The following NOTCH2 variants were observed in gnomAD, a reference collection of about 807,000 sequenced individuals.
The protein encoded by NOTCH2 is neurogenic locus notch homolog protein 2.
Under a neutral mutation model 235.8 loss-of-function variants are expected in NOTCH2, and 29 were observed. The observed-to-expected ratio is 0.12, with a 90% CI of 0.09 to 0.17. The LOEUF (loss-of-function observed/expected upper bound fraction) is 0.17, where lower values mean the gene tolerates loss of function less well. Among genes scored for constraint, NOTCH2 ranks in the 10% least tolerant of loss-of-function variants. NOTCH2 has a pLI of 1.00. For missense variants in NOTCH2, 2,285 were observed against 3,150.2 expected, an observed-to-expected ratio of 0.73 and a Z score of 6.57; for synonymous variants, 1,086 against 1,141.5, an observed-to-expected ratio of 0.95 and a Z score of 0.98.
rs1468887716 is a variant in NOTCH2, at chr1:119,921,696, T to C, written c.5310+17A>G. On this transcript the variant is annotated intron_variant, in intron 29 of 33. Coordinates refer to ENST00000256646, the MANE Select transcript of NOTCH2 (RefSeq NM_024408.4). ...AGATAATGGCTGACAATGGTGGTTC[T>C]ACCATGGCCACCTCACCTTTACTTT... 22 of 1,607,812 alleles carry C rather than the reference T, an allele frequency of 1.4e-5. No homozygotes were observed. The highest frequency in any genetic ancestry group is 1.8e-5 in the Non-Finnish European group (21 of 1,174,338).
chr1:119,949,160 A>G, intron 15 of NOTCH2, 34 bp from the exon 16 acceptor site: 1 of 1,614,020 alleles, frequency 6.2e-7, no homozygotes, highest in Non-Finnish European at 8.5e-7. Context: ...ATGACAGATA[A>G]ACAGGTAAGA....
At chr1:120,027,731 G>A (rs1421571535) in intron 2 of NOTCH2, among the ~76,000 whole-genome samples, 2 of 151,386 alleles carry the variant, frequency 1.3e-5, no homozygotes, top group Non-Finnish European at 2.9e-5. Context: ...GCCGTGTTTG[G>A]TTTTCTGTTC....
intron 2 of NOTCH2, among the ~76,000 whole-genome samples, chr1:120,025,168 A>G (rs1462236389): frequency 1.3e-5 from 2 of 151,460 alleles, no homozygotes; most frequent in Non-Finnish European, 2.9e-5. Flanking sequence ...ACAGAACCAC[A>G]GAGTGGGTAG....
At chr1:119,999,751 G>A (rs149708445) in intron 3 of NOTCH2, among the ~76,000 whole-genome samples, 4 of 152,096 alleles carry the variant, frequency 2.6e-5, no homozygotes, top group Admixed American at 6.5e-5. Flanking sequence ...GCTTTATGGC[G>A]CATGCCTGTA....
Position 119,959,452 on chromosome 1 carries a change from G to A in NOTCH2, c.1966C>T (p.His656Tyr). 1 of 1,611,940 alleles carries A rather than the reference G, an allele frequency of 6.2e-7. No homozygotes were observed. Residue 656 changes from histidine to tyrosine, a missense_variant, in exon 12 of 34, where the codon CAT (histidine) becomes TAT (tyrosine). By Grantham distance (83) the His-to-Tyr change is moderately conservative. Around this residue, in one of 6 missense-constraint regions of NOTCH2, gnomAD observed 431 missense variants for 757.8 expected, o/e 0.57. Transcript: ENST00000256646. ...FDDCASNPCI[H>Y]GICMDGINRY... ...TTAATGCCATCCATACAGATTCCAT[G>A]GATACAAGGGTTACTTGCACAGTCA...
Position 119,923,787 on chromosome 1 carries a change from C to T in NOTCH2, c.4709G>A (p.Gly1570Asp), listed in dbSNP as rs2101158965. ...QDARSFLRALGTLLHTNLRIK... is the reference protein window; with the variant it reads ...QDARSFLRALDTLLHTNLRIK... ...GCGCAGGTTGGTGTGGAGCAGGGTACCCAGTGCCCGCAAGAAGCTGCGAGC... is the reference window on the plus strand; with the variant it reads ...GCGCAGGTTGGTGTGGAGCAGGGTATCCAGTGCCCGCAAGAAGCTGCGAGC... Residue 1570 changes from glycine (G) to aspartate (D), a missense_variant, in exon 26 of 34, where the codon GGT becomes GAT. Gly to Asp is a moderately conservative substitution (Grantham distance 94, BLOSUM62 -1). This residue lies in a region of NOTCH2 where 1,173 missense variants were observed against 1,515.3 expected (regional missense o/e 0.77). Coordinates refer to ENST00000256646, the MANE Select transcript of NOTCH2 (RefSeq NM_024408.4). 6.2e-7 allele frequency: 1 copy of T among 1,614,154 alleles called. No individual in the cohort carries two copies. Among genetic ancestry groups the T allele is most frequent in the Non-Finnish European group, 8.5e-7 (1 of 1,180,030 alleles).
intron 10 of NOTCH2, among the ~76,000 whole-genome samples, chr1:119,965,115 C>T (rs1198306544): frequency 6.6e-6 from 1 of 152,202 alleles, no homozygotes; most frequent in Admixed American, 6.5e-5. Flanking sequence ...AGGCCTCCTG[C>T]TGAGAAGCCC....
chr1:119,976,057 T>A (rs938675261), intron 5 of NOTCH2, among the ~76,000 whole-genome samples: 1 of 152,214 alleles, frequency 6.6e-6, no homozygotes, highest in Non-Finnish European at 1.5e-5. Flanking sequence ...CTGGTCCAGT[T>A]AAGGGTCAAC....
At chr1:120,011,447 G>A (rs1260160941) in intron 2 of NOTCH2, among the ~76,000 whole-genome samples, 41 of 152,132 alleles carry the variant, frequency 2.7e-4, no homozygotes, top group Non-Finnish European at 1.3e-4. Context: ...ATGGTTTGGC[G>A]TATTCCTCAG....
intron 1 of NOTCH2, among the ~76,000 whole-genome samples, chr1:120,042,125 C>G (rs587687219): frequency 5.1e-5 from 5 of 98,862 alleles, no homozygotes; most frequent in Admixed American, 2.0e-4. Context: ...TAGGCAACAC[C>G]TAAGTGAGGT....
At position 119,934,698 on chromosome 1, in the gene NOTCH2, C is replaced by A. The variant is rs146184741; in HGVS notation, c.3655+774G>T. 9.7e-4 allele frequency among the ~76,000 whole-genome samples: 148 copies of A among 152,342 alleles called. 1 individual carries two copies. The highest frequency in any genetic ancestry group is 3.4e-3 in the African/African-American group (142 of 41,580). Reference sequence around the variant, plus strand: ...TAAGGCAATACAAATACTTCTCTGGCATTCTATTCTCTTTGACACTAACAA... The same window carrying A: ...TAAGGCAATACAAATACTTCTCTGGAATTCTATTCTCTTTGACACTAACAA... On this transcript the variant is annotated intron_variant, in intron 22 of 33. Coordinates refer to ENST00000256646, the MANE Select transcript of NOTCH2 (RefSeq NM_024408.4).
In NOTCH2 at chr1:119,937,451, T is replaced by G; in HGVS notation, c.3353A>C (p.His1118Pro). The G allele has an allele frequency of 1.2e-6, 2 of 1,613,626 alleles. No individual in the cohort carries two copies. The highest frequency in any genetic ancestry group is 1.7e-6 in the Non-Finnish European group (2 of 1,179,982). ...GCAGACACCTGAGTGCTGGCACAAG[T>G]GTTCAACAAGCACACCTGGGAAACC... ...AASRRGVLVEHLCQHSGVCIN... is the reference protein window; with the variant it reads ...AASRRGVLVEPLCQHSGVCIN... The change falls in exon 21 of 34, where the codon CAC becomes CCC. Residue 1118 changes from histidine (H) to proline (P), a missense_variant. His to Pro is a moderately conservative substitution (Grantham distance 77, BLOSUM62 -2). Transcript: ENST00000256646.
chr1:119,941,829 C>CTGAA (rs1338023452), intron 17 of NOTCH2, 75 bp from the exon 18 acceptor site: 25 of 1,161,136 alleles, frequency 2.2e-5, no homozygotes, highest in African/African-American at 3.0e-5. Context: ...AGTGAATGAC[C>CTGAA]TGAACTAAGT....
At chr1:119,963,216 A>AAGGAAGG (rs1651011585) in intron 11 of NOTCH2, among the ~76,000 whole-genome samples, 1 of 152,160 alleles carries the variant, frequency 6.6e-6, no homozygotes, top group Non-Finnish European at 1.5e-5. Flanking sequence ...GGAAGGACTG[A>AAGGAAGG]ATTTATTAAT....
Position 119,918,543 on chromosome 1 carries a change from C to T in NOTCH2, c.5792G>A (p.Arg1931His), listed in dbSNP as rs200693165. 8.1e-6 allele frequency: 13 copies of T among 1,613,730 alleles called. No individual in the cohort carries two copies. Among genetic ancestry groups the T allele is most frequent in the Non-Finnish European group, 1.1e-5 (13 of 1,179,982 alleles). ...DAQGVFQILI[R>H]NRVTDLDARM... The stretch of plus-strand genomic sequence containing the variant: ...GGCATCTAGATCAGTTACTCGGTTG[C>T]GAATCAGAATCTAGAAGAGGAGAAA... Residue 1931 changes from arginine (R) to histidine (H), a missense_variant, in exon 32 of 34, where the codon CGC becomes CAC. Transcript: ENST00000256646.
chr1:119,979,438 T>G (rs889685753), intron 5 of NOTCH2, among the ~76,000 whole-genome samples: 1 of 152,198 alleles, frequency 6.6e-6, no homozygotes, highest in Non-Finnish European at 1.5e-5. Context: ...GTCTAAGAAT[T>G]TGATGAGATT....
chr1:119,973,818 GGTT>G (rs1395799140), intron 5 of NOTCH2, among the ~76,000 whole-genome samples: 1 of 152,134 alleles, frequency 6.6e-6, no homozygotes, highest in African/African-American at 2.4e-5. Context: ...CTGGGCTGGT[GGTT>G]GAAGATTTAC....
In NOTCH2 at chr1:120,005,116, T is replaced by C. The variant is rs1253634610; in HGVS notation, c.415+213A>G. The C allele has an allele frequency of 4.3e-5, 33 of 775,848 alleles. No homozygotes were observed. In the African/African-American group the frequency reaches 5.7e-4, roughly 13 times the overall value. 48.1% of individuals were successfully genotyped at this position (775,848 alleles called of 1,614,324 possible). A position where few individuals can be genotyped will look rare whatever the true frequency, so the allele number is the denominator to read the frequency against. On this transcript the variant is annotated intron_variant, in intron 3 of 33. Coordinates refer to ENST00000256646, the MANE Select transcript of NOTCH2 (RefSeq NM_024408.4). ...ACATATATACTTTAAGCAGTCAAAG[T>C]ATTTGGTACTTTTTCTTTCTCTTTC...
chr1:119,922,826 C>G (rs369710600), intron 26 of NOTCH2, 48 bp from the exon 27 acceptor site: 1 of 1,610,652 alleles, frequency 6.2e-7, no homozygotes, highest in Non-Finnish European at 8.5e-7. Context: ...GGGGGTAAAA[C>G]AGAAGAGTGC....
Sources: allele counts gnomAD v4.1 joint callset (sites outside exome capture counted in the v4.1 genomes callset), GRCh38; gene constraint gnomAD v4.1.1; regional missense constraint gnomAD v4.1.1; transcripts MANE v1.5; gene names NCBI Gene and HGNC (gene_info 2026-07-23, HGNC 2026-07-21).